The following ASMT variants were observed in gnomAD, a reference collection of about 807,000 sequenced individuals.
ASMT encodes acetylserotonin O-methyltransferase.
ASMT carries 53 observed loss-of-function variants against 41.3 expected under a neutral mutation model. The ratio of observed to expected loss-of-function variants is 1.28; its 90% CI spans 1.03 to 1.61. The LOEUF is 1.61. ASMT is among the 40% of genes most tolerant of loss of function. The probability of loss-of-function intolerance (pLI) is 0.00; values close to 1 mark genes in which losing one functional copy is unlikely to be tolerated. For missense variants in ASMT, 531 were observed against 441.3 expected, an observed-to-expected ratio of 1.20 and a Z score of -1.82; for synonymous variants, 231 against 184.8, an observed-to-expected ratio of 1.25 and a Z score of -2.03.
chrX:1,615,299 T>C, intron 1 of ASMT, 31 bp downstream of exon 1: 1 of 1,554,606 alleles, frequency 6.4e-7, no homozygotes, highest in African/African-American at 1.4e-5. Context: ...CAAGGGGGAA[T>C]AGACTTCCGT....
intron 1 of ASMT, among the ~76,000 whole-genome samples, chrX:1,616,085 G>A (rs780542076): frequency 9.9e-5 from 15 of 151,500 alleles, no homozygotes; most frequent in East Asian, 7.8e-4. Context: ...CTGGAGTGCA[G>A]TGGCACGGTC....
chrX:1,618,365 T>C (rs1934214651), intron 1 of ASMT, among the ~76,000 whole-genome samples: 1 of 152,162 alleles, frequency 6.6e-6, no homozygotes, highest in Non-Finnish European at 1.5e-5. Context: ...GGTTTCATCA[T>C]GTTGGCCAGG....
At chrX:1,626,815 G>T (rs1351900897) in intron 3 of ASMT, among the ~76,000 whole-genome samples, 16 of 78,956 alleles carry the variant, frequency 2.0e-4, no homozygotes, top group African/African-American at 6.2e-4. Context: ...ATCACCTGAG[G>T]TCACGAGTTC....
intron 1 of ASMT, among the ~76,000 whole-genome samples, chrX:1,616,747 C>T (rs1333898861): frequency 1.8e-4 from 27 of 150,128 alleles, no homozygotes; most frequent in South Asian, 4.2e-4. Context: ...CTCGCTCTGT[C>T]GCCCAGGCTG....
At chrX:1,625,099 C>T (rs867332720) in intron 3 of ASMT, among the ~76,000 whole-genome samples, 1 of 125,686 alleles carries the variant, frequency 8.0e-6, no homozygotes, top group Non-Finnish European at 1.6e-5. Context: ...TTTTTCTTTT[C>T]TTTTCTTTCT....
intron 1 of ASMT, among the ~76,000 whole-genome samples, chrX:1,616,194 A>G (rs1312929220): frequency 1.5e-5 from 2 of 132,654 alleles, no homozygotes; most frequent in Non-Finnish European, 3.4e-5. Flanking sequence ...ACGCCCGGCT[A>G]ATTTTTGTAT....
At chrX:1,632,583 A>T (rs1934816966) in intron 5 of ASMT, 121 bp from the exon 6 acceptor site, 1 of 156,036 alleles carries the variant, frequency 6.4e-6, no homozygotes, top group East Asian at 1.9e-4. Flanking sequence ...TGAACCCGGG[A>T]GGCAGAGCTT....
At chrX:1,635,376 G>A (rs1431889088) in intron 7 of ASMT, among the ~76,000 whole-genome samples, 10 of 152,020 alleles carry the variant, frequency 6.6e-5, no homozygotes, top group South Asian at 2.1e-4. Context: ...AGACTTGAGC[G>A]TTTCACATCG....
At chrX:1,616,882 G>A (rs1370475770) in intron 1 of ASMT, among the ~76,000 whole-genome samples, 8 of 151,684 alleles carry the variant, frequency 5.3e-5, no homozygotes, top group African/African-American at 7.3e-5. Context: ...CTAATTTTTT[G>A]TATTTTTAGT....
At chrX:1,627,478 G>A (rs1365804490) in intron 3 of ASMT, among the ~76,000 whole-genome samples, 31 of 149,526 alleles carry the variant, frequency 2.1e-4, no homozygotes, top group African/African-American at 6.4e-4. Flanking sequence ...AAAATTAGCT[G>A]GGCGTGGTGG....
chrX:1,619,266 C>T (rs1934249012), intron 1 of ASMT, among the ~76,000 whole-genome samples: 1 of 151,378 alleles, frequency 6.6e-6, no homozygotes, highest in Admixed American at 6.6e-5. Context: ...TGGTGGCGGG[C>T]ACCTGTAGTA....
intron 1 of ASMT, among the ~76,000 whole-genome samples, chrX:1,615,872 A>G (rs1167093986): frequency 6.6e-6 from 1 of 152,154 alleles, no homozygotes; most frequent in Non-Finnish European, 1.5e-5. Flanking sequence ...ATTAGAAACA[A>G]GACAATGTTT....
At position 1,643,015 on chromosome X, in the gene ASMT, C is replaced by G; in HGVS notation, c.*1C>G. On this transcript the variant is annotated 3_prime_UTR_variant, in exon 9 of 9. Coordinates refer to ENST00000381241, the MANE Select transcript of ASMT (RefSeq NM_001171038.2). The stretch of plus-strand genomic sequence containing the variant: ...TGATGCCATTTTAGCCAGGAAATAA[C>G]TGTTTCTTGTGACCTGGAACTAACG... 1 of 1,613,854 alleles carries G rather than the reference C, an allele frequency of 6.2e-7. No individual in the cohort carries two copies. The highest frequency in any genetic ancestry group is 1.1e-5 in the South Asian group (1 of 91,060).
At chrX:1,630,999 C>T (rs1242645616) in intron 5 of ASMT, among the ~76,000 whole-genome samples, 2 of 151,110 alleles carry the variant, frequency 1.3e-5, no homozygotes, top group South Asian at 4.2e-4. Flanking sequence ...CAAGCTCTGC[C>T]TCCCGGGTTC....
chrX:1,642,983 C>G lies in ASMT; in HGVS notation c.1091C>G (p.Ala364Gly). 6.2e-7 allele frequency: 1 copy of G among 1,613,908 alleles called. No homozygotes were observed. Among genetic ancestry groups the G allele is most frequent in the South Asian group, 1.1e-5 (1 of 91,056 alleles). The change falls in exon 9 of 9, where the codon GCC becomes GGC. Residue 364 changes from alanine to glycine, a missense_variant. Transcript: ENST00000381241. Reference sequence around the variant, plus strand: ...GACTTCCAGTTTAAGAAAACAGGAGCCATTTATGATGCCATTTTAGCCAGG... The same window carrying G: ...GACTTCCAGTTTAAGAAAACAGGAGGCATTTATGATGCCATTTTAGCCAGG... Reference protein sequence around the residue: ...FRDFQFKKTGAIYDAILARK With the variant: ...FRDFQFKKTGGIYDAILARK
At chrX:1,634,170 C>A (rs1435591650) in intron 7 of ASMT, among the ~76,000 whole-genome samples, 4 of 152,148 alleles carry the variant, frequency 2.6e-5, no homozygotes, top group African/African-American at 9.7e-5. Flanking sequence ...CTCAGAAGAG[C>A]CATCATACAC....
rs769883055 is a variant in ASMT, at chrX:1,642,903, G to A, written c.1011G>A (p.Gly337=). Residue 337 remains glycine, a synonymous_variant, in exon 9 of 9, where the codon GGG becomes GGA. Coordinates refer to ENST00000381241, the MANE Select transcript of ASMT (RefSeq NM_001171038.2). ...TGAACATGCTTGTGCAGACGGAAGG[G>A]CAGGAGAGGACCCCCACCCACTACC... ...YSLNMLVQTE[G]QERTPTHYHM... The A allele has an allele frequency of 1.9e-6, 3 of 1,613,978 alleles. No individual in the cohort carries two copies. Among genetic ancestry groups the A allele is most frequent in the Non-Finnish European group, 2.5e-6 (3 of 1,179,872 alleles).
intron 5 of ASMT, 21 bp downstream of exon 5, chrX:1,629,960 A>G: frequency 6.3e-7 from 1 of 1,582,718 alleles, no homozygotes; most frequent in Non-Finnish European, 8.7e-7. Context: ...CTCACCACTA[A>G]TACCTCGGAG....
intron 1 of ASMT, among the ~76,000 whole-genome samples, chrX:1,618,052 C>G (rs1244842628): frequency 6.6e-6 from 1 of 152,174 alleles, no homozygotes; most frequent in Non-Finnish European, 1.5e-5. Flanking sequence ...CACTGATACG[C>G]AGAGCGGCCT....
Sources: gnomAD v4.1 joint callset for allele counts (sites outside exome capture counted in the v4.1 genomes callset) on GRCh38, gnomAD v4.1.1 for gene constraint, MANE v1.5 for transcripts, NCBI Gene and HGNC (gene_info 2026-07-23, HGNC 2026-07-21) for gene names.